The following PCCA variants were observed in gnomAD, a reference collection of about 807,000 sequenced individuals.
PCCA encodes propionyl-CoA carboxylase alpha chain, mitochondrial.
A neutral mutation model predicts 101.3 loss-of-function variants in PCCA; 74 were observed. The ratio of observed to expected loss-of-function variants is 0.73; its 90% CI spans 0.61 to 0.89. The LOEUF (loss-of-function observed/expected upper bound fraction) is 0.89, where lower values mean the gene tolerates loss of function less well. PCCA is among the 40% of genes least tolerant of loss of function. The pLI is 0.00. For synonymous variants in PCCA, 294 were observed against 313.6 expected, an observed-to-expected ratio of 0.94 and a Z score of 0.66; for missense variants, 891 against 907.0, an observed-to-expected ratio of 0.98 and a Z score of 0.23.
At chr13:100,291,879 C>G (rs1052944965) in intron 12 of PCCA, among the ~76,000 whole-genome samples, 3 of 152,216 alleles carry the variant, frequency 2.0e-5, no homozygotes, top group Admixed American at 6.5e-5. Flanking sequence ...ATGATGTGTT[C>G]CTTTCACATT....
At chr13:100,366,131 GCA>G (rs2075136888) in intron 18 of PCCA, among the ~76,000 whole-genome samples, 1 of 152,222 alleles carries the variant, frequency 6.6e-6, no homozygotes, top group Non-Finnish European at 1.5e-5. Flanking sequence ...CTTGAGGAAA[GCA>G]CAGATTCAAG....
intron 18 of PCCA, among the ~76,000 whole-genome samples, chr13:100,360,855 G>A (rs1189357368): frequency 1.3e-5 from 2 of 152,170 alleles, no homozygotes; most frequent in East Asian, 1.9e-4. Context: ...AAACCTGCAC[G>A]TGAATGCTTA....
chr13:100,511,296 G>C (rs1484294438), intron 21 of PCCA, among the ~76,000 whole-genome samples: 1 of 152,180 alleles, frequency 6.6e-6, no homozygotes, highest in Admixed American at 6.5e-5. Flanking sequence ...CTCCAGCTCT[G>C]AGTTAGGACA....
chr13:100,158,327 G>A (rs946777590), intron 6 of PCCA, among the ~76,000 whole-genome samples: 3 of 152,156 alleles, frequency 2.0e-5, no homozygotes, highest in African/African-American at 7.2e-5. Flanking sequence ...TCCACGGATT[G>A]GAAATTATTT....
At chr13:100,444,776 T>G (rs752851542) in intron 20 of PCCA, among the ~76,000 whole-genome samples, 5 of 152,290 alleles carry the variant, frequency 3.3e-5, no homozygotes, top group Non-Finnish European at 7.4e-5. Flanking sequence ...TCTGCCCGCC[T>G]CGGTCTCCCA....
At chr13:100,482,645 A>G (rs575938285) in intron 21 of PCCA, among the ~76,000 whole-genome samples, 6 of 152,326 alleles carry the variant, frequency 3.9e-5, no homozygotes, top group Non-Finnish European at 7.4e-5. Context: ...CTGAAATGCA[A>G]TGGTGCAGTC....
chr13:100,299,296 C>A (rs1025775209), intron 12 of PCCA, among the ~76,000 whole-genome samples: 4 of 152,330 alleles, frequency 2.6e-5, no homozygotes, highest in African/African-American at 9.6e-5. Context: ...TATTTTCCTA[C>A]ACAGTTAAAG....
At chr13:100,235,926 A>G (rs769904256) in intron 8 of PCCA, 48 bp downstream of exon 8, 3 of 1,214,516 alleles carry the variant, frequency 2.5e-6, no homozygotes, top group Non-Finnish European at 3.7e-6. Flanking sequence ...CTTTCAGCAG[A>G]TACGGTTGAG....
intron 23 of PCCA, among the ~76,000 whole-genome samples, chr13:100,528,638 T>TA (rs2088076216): frequency 6.6e-6 from 1 of 152,066 alleles, no homozygotes; most frequent in Non-Finnish European, 1.5e-5. Context: ...GAGGCCCAGG[T>TA]GTATGCCAGG....
chr13:100,111,933 T>G (rs762246120), intron 3 of PCCA, 45 bp downstream of exon 3: 29 of 1,294,966 alleles, frequency 2.2e-5, no homozygotes, highest in Non-Finnish European at 2.9e-5. Context: ...TCTGAAATTA[T>G]TTATTAAACC....
chr13:100,240,907 T>C (rs963920616), intron 8 of PCCA, among the ~76,000 whole-genome samples: 2 of 151,568 alleles, frequency 1.3e-5, no homozygotes, highest in African/African-American at 4.8e-5. Context: ...AAATCTTAAG[T>C]GTGTATTTGT....
intron 12 of PCCA, among the ~76,000 whole-genome samples, chr13:100,287,483 G>A (rs900237805): frequency 9.9e-5 from 15 of 151,596 alleles, no homozygotes; most frequent in Admixed American, 9.8e-4. Flanking sequence ...TTCTTAATAA[G>A]AAAAATGGTT....
At chr13:100,518,072 G>A (rs1311570292) in intron 22 of PCCA, among the ~76,000 whole-genome samples, 1 of 152,204 alleles carries the variant, frequency 6.6e-6, no homozygotes, top group Non-Finnish European at 1.5e-5. Flanking sequence ...TGGGTGGGAA[G>A]ATAATGGAGT....
At chr13:100,123,676 TAATTCTGAGGA>T (rs2152308106) in intron 4 of PCCA, among the ~76,000 whole-genome samples, 3 of 152,260 alleles carry the variant, frequency 2.0e-5, no homozygotes, top group African/African-American at 7.2e-5. Context: ...ATAGCCTAGA[TAATTCTGAGGA>T]AAATTGATGG....
chr13:100,467,382 C>A (rs1242530815), intron 21 of PCCA, among the ~76,000 whole-genome samples: 1 of 151,898 alleles, frequency 6.6e-6, no homozygotes, highest in Admixed American at 6.6e-5. Context: ...TGGGCACATT[C>A]TTTTTTTGAG....
chr13:100,172,947 A>G (rs1252373096), intron 6 of PCCA, among the ~76,000 whole-genome samples: 1 of 152,228 alleles, frequency 6.6e-6, no homozygotes, highest in South Asian at 2.1e-4. Context: ...CCTCTGAAGA[A>G]GAGATTATAC....
At position 100,397,978 on chromosome 13, in the gene PCCA, C is replaced by A. The variant is rs568590965; in HGVS notation, c.1747-27655C>A. On this transcript the variant is annotated intron_variant, in intron 19 of 23. Transcript: ENST00000376285. ...ATGATTTGAGAACTGGCATAAGTCT[C>A]TTTAATCATTCAGGTTCAGCGTGAT... Among the ~76,000 whole-genome samples the A allele has an allele frequency of 2.6e-5, 4 of 152,300 alleles. No homozygotes were observed. The South Asian group carries it at 8.3e-4, about 32-fold the overall frequency.
chr13:100,328,689 A>ACTT (rs2069050392), intron 16 of PCCA, among the ~76,000 whole-genome samples: 1 of 98,202 alleles, frequency 1.0e-5, no homozygotes, highest in Non-Finnish European at 2.0e-5. Flanking sequence ...GTTGAGGTTA[A>ACTT]TTTTTTTTTT....
Position 100,218,328 on chromosome 13 carries a change from T to C in PCCA, c.600+8865T>C, listed in dbSNP as rs1452761098. ...CTGGGATTACAGGCACCCACCACCA[T>C]GTCTGGCTATGGGTTGTTTTTTTTT... On this transcript the variant is annotated intron_variant, in intron 7 of 23. Coordinates refer to ENST00000376285, the MANE Select transcript of PCCA (RefSeq NM_000282.4). 8.7e-5 allele frequency among the ~76,000 whole-genome samples: 13 copies of C among 149,150 alleles called. No homozygotes were observed. In the South Asian group the frequency reaches 2.6e-3, roughly 30 times the overall value.
Sources: gnomAD v4.1 joint callset for allele counts (sites outside exome capture counted in the v4.1 genomes callset) on GRCh38, gnomAD v4.1.1 for gene constraint, MANE v1.5 for transcripts, NCBI Gene and HGNC (gene_info 2026-07-23, HGNC 2026-07-21) for gene names.